The following TGM3 variants were observed in gnomAD, a reference collection of about 807,000 sequenced individuals.
TGM3 encodes transglutaminase 3, also known as protein-glutamine gamma-glutamyltransferase E.
Under a neutral mutation model 73.8 loss-of-function variants are expected in TGM3, and 52 were observed. The ratio of observed to expected loss-of-function variants is 0.70; its 90% confidence interval spans 0.56 to 0.89. TGM3 has a LOEUF of 0.89. Ranked by LOEUF, TGM3 falls within the 40% of genes least tolerant of loss-of-function variation. TGM3 has a pLI of 0.00. For missense variants in TGM3, 928 were observed against 909.9 expected (o/e 1.02, Z -0.26); for synonymous variants, 372 against 354.9 (o/e 1.05, Z -0.54).
intron 9 of TGM3, among the ~76,000 whole-genome samples, chr20:2,329,058 T>G (rs1051535518): frequency 6.6e-6 from 1 of 152,228 alleles, no homozygotes; most frequent in Non-Finnish European, 1.5e-5. Flanking sequence ...GTTCTGCATT[T>G]GAAGACAAAG....
At chr20:2,304,710 G>C (rs1600691581) in intron 1 of TGM3, among the ~76,000 whole-genome samples, 1 of 152,154 alleles carries the variant, frequency 6.6e-6, no homozygotes, top group Non-Finnish European at 1.5e-5. Flanking sequence ...CTCATACCAA[G>C]CGATTTGCAG....
chr20:2,334,104 C>T lies in TGM3; in HGVS notation c.1643-1012C>T, dbSNP rs2084334879. On this transcript the variant is annotated intron_variant, in intron 10 of 12. Transcript: ENST00000381458. This position sits in a 1 kb window ranked among gnomAD's most constrained non-coding sequence, Gnocchi z 4.0. ...AGCCCATCAGGGTAGGGAAAGGGCC[C>T]CGCGGCCCACAGGGTCAGAAGAGAG... is the stretch of plus-strand genomic sequence containing the variant. Among the ~76,000 whole-genome samples, 1 of 152,058 alleles carries T rather than the reference C, an allele frequency of 6.6e-6. No homozygotes were observed. The highest frequency in any genetic ancestry group is 2.4e-5 in the African/African-American group (1 of 41,406).
chr20:2,334,889 A>C lies in TGM3; in HGVS notation c.1643-227A>C, dbSNP rs994616926. ...CCCCTGTGAGCCCATCCTCCTGGGA[A>C]TCTGCCCAGCCAGAGAGAGTCCTGG... is the stretch of plus-strand genomic sequence containing the variant. On this transcript the variant is annotated intron_variant, in intron 10 of 12. Transcript: ENST00000381458. This position sits in a 1 kb window ranked among gnomAD's most constrained non-coding sequence, Gnocchi z 4.0. Among the ~76,000 whole-genome samples the C allele has an allele frequency of 6.4e-4, 98 of 152,322 alleles. No homozygotes were observed. The highest frequency in any genetic ancestry group is 2.3e-3 in the African/African-American group (96 of 41,578).
intron 11 of TGM3, 44 bp downstream of exon 11, chr20:2,335,317 C>A (rs778579214): frequency 6.2e-7 from 1 of 1,608,732 alleles, no homozygotes; most frequent in Non-Finnish European, 8.5e-7. Context: ...CTGCCCCCAG[C>A]CAGCCCAGCT....
intron 1 of TGM3, among the ~76,000 whole-genome samples, chr20:2,305,562 G>T (rs192732213): frequency 6.6e-6 from 1 of 152,186 alleles, no homozygotes; most frequent in African/African-American, 2.4e-5. Flanking sequence ...TGTGGACTGC[G>T]CATAGCAGTT....
At chr20:2,327,407 G>A (rs1195784633) in intron 8 of TGM3, among the ~76,000 whole-genome samples, 1 of 152,150 alleles carries the variant, frequency 6.6e-6, no homozygotes, top group African/African-American at 2.4e-5. Flanking sequence ...AACCCGGGAG[G>A]CGGAGCTTGC....
At chr20:2,307,837 C>G (rs2084183450) in intron 1 of TGM3, among the ~76,000 whole-genome samples, 1 of 152,112 alleles carries the variant, frequency 6.6e-6, no homozygotes, top group Admixed American at 6.5e-5. Flanking sequence ...TGATATTAGT[C>G]TTTTCTTTCT....
At chr20:2,303,406 G>A (rs1328490993) in intron 1 of TGM3, among the ~76,000 whole-genome samples, 1 of 152,110 alleles carries the variant, frequency 6.6e-6, no homozygotes, top group African/African-American at 2.4e-5. Flanking sequence ...GCGGAAATGG[G>A]GAGTTCCTGC....
chr20:2,332,210 A>G lies in TGM3; in HGVS notation c.1542A>G (p.Thr514=). The change falls in exon 10 of 13, where the codon ACA becomes ACG. Residue 514 remains threonine, a synonymous_variant. Coordinates refer to ENST00000381458, the MANE Select transcript of TGM3 (RefSeq NM_003245.4). This position sits in a 1 kb window ranked among gnomAD's most constrained non-coding sequence, Gnocchi z 4.4. ...AAAACCTGAGCAGGGATACGAAGAC[A>G]GTGACAGTGAACATGACAGCCTGGA... is the stretch of plus-strand genomic sequence containing the variant. ...LLKNLSRDTK[T]VTVNMTAWTI... 2.5e-6 allele frequency: 4 copies of G among 1,614,116 alleles called. No homozygotes were observed. The highest frequency in any genetic ancestry group is 3.4e-6 in the Non-Finnish European group (4 of 1,179,990).
At chr20:2,315,316 G>T (rs1269408263) in intron 5 of TGM3, among the ~76,000 whole-genome samples, 1 of 152,240 alleles carries the variant, frequency 6.6e-6, no homozygotes, top group Non-Finnish European at 1.5e-5. Flanking sequence ...GCTTTGAAGT[G>T]CTCAGCTTTC....
chr20:2,309,739 C>G lies in TGM3; in HGVS notation c.90C>G (p.Leu30=). The part of the protein sequence containing the change: ...HHTDKFSSQE[L]ILRRGQNFQV... ...CAGACAAGTTCTCCAGCCAGGAGCT[C>G]ATCTTGCGGAGAGGCCAAAACTTCC... The change falls in exon 2 of 13, where the codon CTC becomes CTG. Residue 30 remains leucine (L), a synonymous_variant. Coordinates refer to ENST00000381458, the MANE Select transcript of TGM3 (RefSeq NM_003245.4). 6.2e-7 allele frequency: 1 copy of G among 1,614,204 alleles called. No individual in the cohort carries two copies. Among genetic ancestry groups the G allele is most frequent in the East Asian group, 2.2e-5 (1 of 44,886 alleles).
intron 1 of TGM3, among the ~76,000 whole-genome samples, chr20:2,307,749 A>C (rs2084182934): frequency 6.6e-6 from 1 of 152,054 alleles, no homozygotes; most frequent in Non-Finnish European, 1.5e-5. Flanking sequence ...CTGCTGTAAT[A>C]TTTTTATTGA....
At chr20:2,335,302 G>A (rs755997408) in intron 11 of TGM3, 29 bp downstream of exon 11, 3 of 1,612,560 alleles carry the variant, frequency 1.9e-6, no homozygotes, top group African/African-American at 1.3e-5. Context: ...CTGTGGGAAG[G>A]GGTTCTGCCC....
chr20:2,334,055 C>T lies in TGM3; in HGVS notation c.1643-1061C>T, dbSNP rs2084334669. On this transcript the variant is annotated intron_variant, in intron 10 of 12. Coordinates refer to ENST00000381458, the MANE Select transcript of TGM3 (RefSeq NM_003245.4). This position sits in a 1 kb window ranked among gnomAD's most constrained non-coding sequence, Gnocchi z 4.0. Reference sequence around the variant, plus strand: ...GGCATCCCCAGGCCACCCAGCATGACAGCCTGAGGGAAGGGAGCACCTAAG... The same window carrying T: ...GGCATCCCCAGGCCACCCAGCATGATAGCCTGAGGGAAGGGAGCACCTAAG... 2.0e-5 allele frequency among the ~76,000 whole-genome samples: 3 copies of T among 152,190 alleles called. No individual in the cohort carries two copies. The highest frequency in any genetic ancestry group is 4.4e-5 in the Non-Finnish European group (3 of 68,034).
chr20:2,326,015 A>G, intron 8 of TGM3, 63 bp downstream of exon 8: 1 of 1,476,988 alleles, frequency 6.8e-7, no homozygotes, highest in South Asian at 1.2e-5. Context: ...CATGGACAGC[A>G]GCATAGGGAA....
intron 1 of TGM3, among the ~76,000 whole-genome samples, chr20:2,308,001 CACTTGAGCCCAGGA>C (rs2122215998): frequency 6.6e-6 from 1 of 152,208 alleles, no homozygotes; most frequent in Admixed American, 6.5e-5. Flanking sequence ...ACGTGCAGAT[CACTTGAGCCCAGGA>C]GTTTGAGACA....
In TGM3 at chr20:2,328,177, T is replaced by C. The variant is rs2084300022; in HGVS notation, c.1145T>C (p.Leu382Pro). The C allele has an allele frequency of 6.2e-7, 1 of 1,614,198 alleles. No individual in the cohort carries two copies. Among genetic ancestry groups the C allele is most frequent in the Non-Finnish European group, 8.5e-7 (1 of 1,180,036 alleles). The change falls in exon 9 of 13, where the codon CTG becomes CCG. Residue 382 changes from leucine (L) to proline (P), a missense_variant. Transcript: ENST00000381458. This position sits in a 1 kb window ranked among gnomAD's most constrained non-coding sequence, Gnocchi z 5.2. ...GGTGTTCGAGAGGGTGATGTGCAGC[T>C]GAACTTCGACATGCCCTTTATCTTC... is the stretch of plus-strand genomic sequence containing the variant. ...VIGVREGDVQ[L>P]NFDMPFIFAE...
At chr20:2,296,123 C>T (rs2084105228) in intron 1 of TGM3, 53 bp downstream of exon 1, 3 of 1,547,576 alleles carry the variant, frequency 1.9e-6, no homozygotes, top group South Asian at 1.2e-5. Context: ...CTGTGCTTCC[C>T]CTGGGCCAGC....
intron 11 of TGM3, 88 bp from the exon 12 acceptor site, chr20:2,339,766 C>A: frequency 6.4e-7 from 1 of 1,566,844 alleles, no homozygotes; most frequent in South Asian, 1.1e-5. Context: ...TCACCCCCTT[C>A]ACTCAGTCAC....
Sources: allele counts gnomAD v4.1 joint callset (sites outside exome capture counted in the v4.1 genomes callset), GRCh38; gene constraint gnomAD v4.1.1; non-coding constraint Gnocchi (gnomAD v3.1); transcripts MANE v1.5; gene names NCBI Gene and HGNC (gene_info 2026-07-23, HGNC 2026-07-21).